Variants in SRCIN1 observed in about 807,000 individuals in gnomAD.
SRCIN1 encodes SRC kinase signaling inhibitor 1.
In SRCIN1, 50 loss-of-function variants were observed where a neutral mutation model predicts 116.2. The ratio of observed to expected loss-of-function variants is 0.43; its 90% confidence interval spans 0.34 to 0.54. The LOEUF is 0.54. Among genes scored for constraint, SRCIN1 ranks in the 20% least tolerant of loss-of-function variants. The pLI, the probability that SRCIN1 is intolerant of heterozygous loss-of-function variation, is 0.02. For missense variants in SRCIN1, 1,446 were observed against 1,672.0 expected (o/e 0.86, Z 2.36); for synonymous variants, 736 against 750.0 (o/e 0.98, Z 0.30).
Position 38,578,532 on chromosome 17 carries a change from G to A in SRCIN1, c.282C>T (p.His94=). 2 of 1,598,262 alleles carry A rather than the reference G, an allele frequency of 1.3e-6. No homozygotes were observed. The highest frequency in any genetic ancestry group is 1.7e-6 in the Non-Finnish European group (2 of 1,167,254). Reference sequence around the variant, plus strand: ...CCTGCTGGCCTCGCAGGGCCAGGGCGTGCTGTGGGTACTTGCTCTTCAGGT... The same window carrying A: ...CCTGCTGGCCTCGCAGGGCCAGGGCATGCTGTGGGTACTTGCTCTTCAGGT... ...MDHLKSKYPQ[H]ALALRGQQDR... Residue 94 remains histidine, a synonymous_variant, in exon 2 of 19, where the codon CAC becomes CAT. Transcript: ENST00000617146.
intron 18 of SRCIN1, among the ~76,000 whole-genome samples, chr17:38,534,468 C>T (rs1474610181): frequency 6.6e-6 from 1 of 152,172 alleles, no homozygotes; most frequent in Admixed American, 6.5e-5. Flanking sequence ...CCCACTGTCC[C>T]TCCTGGCCTT....
Position 38,552,074 on chromosome 17 carries a change from T to C in SRCIN1, c.2539A>G (p.Lys847Glu). Reference protein sequence around the residue: ...PNNLLSQSPKKVTAETDFNKS... With the variant: ...PNNLLSQSPKEVTAETDFNKS... Reference sequence around the variant, plus strand: ...TTGAAGTCAGTCTCTGCCGTCACCTTCTTGGGGGACTGACTCAGGAGATTG... The same window carrying C: ...TTGAAGTCAGTCTCTGCCGTCACCTCCTTGGGGGACTGACTCAGGAGATTG... The change falls in exon 14 of 19, where the codon AAG becomes GAG. Residue 847 changes from lysine to glutamate, a missense_variant. Transcript: ENST00000617146. This position sits in a 1 kb window ranked among gnomAD's most constrained non-coding sequence, Gnocchi z 5.3. The C allele has an allele frequency of 6.2e-7, 1 of 1,613,566 alleles. No homozygotes were observed. The highest frequency in any genetic ancestry group is 8.5e-7 in the Non-Finnish European group (1 of 1,179,850).
Position 38,561,864 on chromosome 17 carries a change from G to C in SRCIN1, c.1299C>G (p.Arg433=). ...AGGLYKRGSV[R]SLSTYSAAAL... ...CGGCGGCCGAGTAGGTGCTGAGCGAGCGCACCGAGCCGCGCTTGTAGAGGC... is the reference window on the plus strand; with the variant it reads ...CGGCGGCCGAGTAGGTGCTGAGCGACCGCACCGAGCCGCGCTTGTAGAGGC... Residue 433 remains arginine (R), a synonymous_variant, in exon 7 of 19, where the codon CGC becomes CGG. Transcript: ENST00000617146. The C allele has an allele frequency of 6.8e-7, 1 of 1,460,896 alleles. No individual in the cohort carries two copies. The highest frequency in any genetic ancestry group is 8.9e-7 in the Non-Finnish European group (1 of 1,118,594). 90.5% of individuals were successfully genotyped at this position (1,460,896 alleles called of 1,614,324 possible).
intron 1 of SRCIN1, among the ~76,000 whole-genome samples, chr17:38,603,992 A>G (rs1909212631): frequency 1.3e-5 from 2 of 152,162 alleles, no homozygotes; most frequent in South Asian, 4.1e-4. Flanking sequence ...CAACCACACC[A>G]GAAACCACCA....
intron 1 of SRCIN1, among the ~76,000 whole-genome samples, chr17:38,588,636 T>C (rs934761931): frequency 6.6e-6 from 1 of 152,178 alleles, no homozygotes; most frequent in Admixed American, 6.5e-5. Flanking sequence ...TGCGCCCCTC[T>C]GTGTGTGAAA....
rs1208365857 is a variant in SRCIN1, at chr17:38,558,418, A to G, written c.2026-16T>C. 3 of 1,581,482 alleles carry G rather than the reference A, an allele frequency of 1.9e-6. No homozygotes were observed. Among genetic ancestry groups the G allele is most frequent in the Non-Finnish European group, 2.6e-6 (3 of 1,169,836 alleles). On this transcript the variant is annotated splice_polypyrimidine_tract_variant and intron_variant, in intron 10 of 18. Transcript: ENST00000617146. The surrounding 1 kb of genome is among the most constrained non-coding windows in gnomAD (Gnocchi z 4.6). ...GGTTCTGTAGCTGCGGGACGCACGG[A>G]CGGATGGACCCGGGTGGGGGGAGCG...
rs2471621 is a variant in SRCIN1 at position 38,551,005 on chromosome 17, T to C, written c.2962+150A>G. On this transcript the variant is annotated intron_variant, in intron 15 of 18. Coordinates refer to ENST00000617146, the MANE Select transcript of SRCIN1 (RefSeq NM_025248.3). ...CTGTCCTTCTGGGTCCCAGTCTCCC[T>C]TTAGTGGCAGCCGATGTCCCAGGGC... 3,479 of 537,516 alleles carry C rather than the reference T, an allele frequency of 6.5e-3. 107 individuals carry two copies. The highest frequency in any genetic ancestry group is 0.058 in the African/African-American group (3,081 of 52,676). The allele number at this position is 537,516 out of a possible 1,614,324, so 33.3% of individuals were successfully genotyped here. A position where few individuals can be genotyped will look rare whatever the true frequency, so the allele number is the denominator to read the frequency against.
At chr17:38,561,318 T>C (rs1906221486) in intron 7 of SRCIN1, 145 bp downstream of exon 7, 1 of 994,944 alleles carries the variant, frequency 1.0e-6, no homozygotes, top group African/African-American at 1.7e-5. Flanking sequence ...AGATGCTCTC[T>C]GGCGACCCTT....
Position 38,568,309 on chromosome 17 carries a change from C to A in SRCIN1, c.325-78G>T. On this transcript the variant is annotated intron_variant, in intron 2 of 18. Coordinates refer to ENST00000617146, the MANE Select transcript of SRCIN1 (RefSeq NM_025248.3). This position sits in a 1 kb window ranked among gnomAD's most constrained non-coding sequence, Gnocchi z 4.5. ...AAGAGGGGCAGGGGCAGGTTAGAGA[C>A]CCTTGGAACTCAGCACTCAGCCCTA... The A allele has an allele frequency of 1.4e-6, 2 of 1,466,578 alleles. No homozygotes were observed. Among genetic ancestry groups the A allele is most frequent in the Non-Finnish European group, 1.9e-6 (2 of 1,059,818 alleles). The allele number at this position is 1,466,578 out of a possible 1,614,324, so 90.8% of individuals were successfully genotyped here.
intron 18 of SRCIN1, among the ~76,000 whole-genome samples, chr17:38,539,722 C>T (rs541833343): frequency 2.6e-5 from 4 of 152,196 alleles, no homozygotes; most frequent in Admixed American, 6.5e-5. Flanking sequence ...CCTCTGGTGT[C>T]GTCCTTTCAT....
At chr17:38,545,067 G>C (rs145038835) in intron 17 of SRCIN1, 1 of 152,794 alleles carries the variant, frequency 6.5e-6, no homozygotes, top group East Asian at 1.9e-4. Context: ...TGCAGGTTTG[G>C]GCATCATGTC....
At chr17:38,556,549 G>A (rs1277441103) in intron 11 of SRCIN1, among the ~76,000 whole-genome samples, 2 of 151,980 alleles carry the variant, frequency 1.3e-5, no homozygotes, top group African/African-American at 4.9e-5. Flanking sequence ...GAGTAACCAC[G>A]AGCTACAGCC....
intron 1 of SRCIN1, among the ~76,000 whole-genome samples, chr17:38,593,470 G>A (rs532157050): frequency 6.6e-6 from 1 of 152,274 alleles, no homozygotes; most frequent in Admixed American, 6.5e-5. Context: ...GGGGAAGGGA[G>A]GGTGTAGGGC....
Position 38,604,444 on chromosome 17 carries a change from TC to T in SRCIN1, c.22+1239del. ...CATTTGAGGAGGGGGGCTGGGAAGA[TC>T]CCCCTCCTTGCATACTTCCCCGCGC... is the stretch of plus-strand genomic sequence containing the variant. On this transcript the variant is annotated intron_variant, in intron 1 of 18. Coordinates refer to ENST00000617146, the MANE Select transcript of SRCIN1 (RefSeq NM_025248.3). This position sits in a 1 kb window ranked among gnomAD's most constrained non-coding sequence, Gnocchi z 4.3. 2.3e-6 allele frequency: 1 copy of T among 439,176 alleles called. No individual in the cohort carries two copies. Among genetic ancestry groups the T allele is most frequent in the African/African-American group, 2.1e-5 (1 of 48,584 alleles). The allele number at this position is 439,176 out of a possible 1,614,324, so 27.2% of individuals were successfully genotyped here. A position where few individuals can be genotyped will look rare whatever the true frequency, so the allele number is the denominator to read the frequency against.
At chr17:38,550,295 C>T (rs754705928) in intron 15 of SRCIN1, among the ~76,000 whole-genome samples, 1 of 152,072 alleles carries the variant, frequency 6.6e-6, no homozygotes, top group Non-Finnish European at 1.5e-5. Context: ...GAGATCGAGA[C>T]CATCCTGGCT....
intron 1 of SRCIN1, among the ~76,000 whole-genome samples, chr17:38,591,836 T>G (rs1390615211): frequency 6.6e-6 from 1 of 152,156 alleles, no homozygotes; most frequent in Non-Finnish European, 1.5e-5. Context: ...TCTTAGCACC[T>G]CCCAGCAACT....
intron 16 of SRCIN1, 96 bp from the exon 17 acceptor site, chr17:38,548,805 G>A (rs906366450): frequency 3.6e-5 from 51 of 1,424,510 alleles, no homozygotes; most frequent in African/African-American, 5.8e-5. Context: ...CCAGCTTCTC[G>A]TCTGCTACTT....
At chr17:38,591,661 G>A (rs1908450196) in intron 1 of SRCIN1, among the ~76,000 whole-genome samples, 1 of 152,128 alleles carries the variant, frequency 6.6e-6, no homozygotes. Context: ...TGCTCCTAAC[G>A]CTCAGGCCTC....
At chr17:38,551,084 C>G (rs1479366075) in intron 15 of SRCIN1, 71 bp downstream of exon 15, 1 of 651,072 alleles carries the variant, frequency 1.5e-6, no homozygotes, top group Non-Finnish European at 2.6e-6. Context: ...GTGCCTCCCC[C>G]ATCAGCCTGG....
Sources: gnomAD v4.1 joint callset for allele counts (sites outside exome capture counted in the v4.1 genomes callset) on GRCh38, gnomAD v4.1.1 for gene constraint, Gnocchi (gnomAD v3.1) non-coding constraint, MANE v1.5 for transcripts, NCBI Gene and HGNC (gene_info 2026-07-23, HGNC 2026-07-21) for gene names.